PFKFB3: variants seen among roughly 807,000 people sequenced by gnomAD.
The protein encoded by PFKFB3 is 6-phosphofructo-2-kinase/fructose-2,6-biphosphatase 3, also known as 6-phosphofructo-2-kinase/fructose-2,6-bisphosphatase 3.
A neutral mutation model predicts 68.0 loss-of-function variants in PFKFB3; 33 were observed. The ratio of observed to expected loss-of-function variants is 0.49; its 90% CI spans 0.37 to 0.65. PFKFB3 has a LOEUF of 0.65. PFKFB3 is among the 30% of genes least tolerant of loss of function. The pLI is 0.00. For synonymous variants in PFKFB3, 315 were observed against 288.2 expected (o/e 1.09, Z -0.94); for missense variants, 586 against 712.2 (o/e 0.82, Z 2.02).
At position 6,154,077 on chromosome 10, in the gene PFKFB3, C is replaced by T. The variant is rs1304976473; in HGVS notation, c.16+9064C>T. Among the ~76,000 whole-genome samples, 7 of 152,176 alleles carry T rather than the reference C, an allele frequency of 4.6e-5. No individual in the cohort carries two copies. Among genetic ancestry groups the T allele is most frequent in the Non-Finnish European group, 8.8e-5 (6 of 67,986 alleles). ...AGCGGCTGAGTGCAGGAGGAACCTGCGGGCCAGCACCGCTTCTGCAGGGTG... is the reference window on the plus strand; with the variant it reads ...AGCGGCTGAGTGCAGGAGGAACCTGTGGGCCAGCACCGCTTCTGCAGGGTG... On this transcript the variant is annotated intron_variant, in intron 1 of 14. Coordinates refer to the PFKFB3 transcript ENST00000379789. The surrounding 1 kb of genome is among the most constrained non-coding windows in gnomAD (Gnocchi z 4.6).
At chr10:6,315,049 GGCTACCA>G in the PFKFB3 span, among the ~76,000 whole-genome samples, 1 of 152,192 alleles carries the variant, frequency 6.6e-6, no homozygotes, top group Non-Finnish European at 1.5e-5. Context: ...CCTCCCTAGA[GGCTACCA>G]GCTGACTCTC....
chr10:6,178,405 CG>C (rs1842596161), intron 1 of PFKFB3, among the ~76,000 whole-genome samples: 1 of 152,148 alleles, frequency 6.6e-6, no homozygotes, highest in African/African-American at 2.4e-5. Flanking sequence ...GCGAAGGAGG[CG>C]TAGGACATGC....
At chr10:6,320,354 A>G in the PFKFB3 span, among the ~76,000 whole-genome samples, 1 of 152,182 alleles carries the variant, frequency 6.6e-6, no homozygotes, top group Non-Finnish European at 1.5e-5. Context: ...AAATGGAAAA[A>G]TGAAGAAATG....
chr10:6,204,560 C>T (rs1177219053), intron 1 of PFKFB3, among the ~76,000 whole-genome samples: 2 of 152,228 alleles, frequency 1.3e-5, no homozygotes, highest in South Asian at 2.1e-4. Flanking sequence ...GTCAGCAGAT[C>T]CACCCTGGTG....
the PFKFB3 span, among the ~76,000 whole-genome samples, chr10:6,269,574 G>C: frequency 6.6e-6 from 1 of 152,172 alleles, no homozygotes; most frequent in South Asian, 2.1e-4. Context: ...AGTGAATATA[G>C]GCTTTGCCAT....
At chr10:6,173,723 G>T (rs1453087652) in intron 1 of PFKFB3, among the ~76,000 whole-genome samples, 1 of 151,974 alleles carries the variant, frequency 6.6e-6, no homozygotes, top group Non-Finnish European at 1.5e-5. Flanking sequence ...ATCAGCTGCG[G>T]GGGTGCAGAG....
intron 1 of PFKFB3, among the ~76,000 whole-genome samples, chr10:6,181,796 TAAAAAAAAAAAA>T (rs60557537): frequency 1.8e-5 from 2 of 114,168 alleles, no homozygotes; most frequent in Admixed American, 9.7e-5. Context: ...AGACTCCGTT[TAAAAAAAAAAAA>T]AAAAAAAAAA....
Position 6,177,406 on chromosome 10 carries a change from TTCTTCTTTCTCTTTC to T in PFKFB3, c.16+32395_16+32409del, listed in dbSNP as rs1564599673. On this transcript the variant is annotated intron_variant, in intron 1 of 14. Coordinates refer to the PFKFB3 transcript ENST00000379789. The stretch of plus-strand genomic sequence containing the variant: ...TTTCTTTCTTTCTTTCTTTCTTTCT[TTCTTCTTTCTCTTTC>T]TTCCTTTCTTTTCTTTCTCTTTCTT... 3.4e-4 allele frequency among the ~76,000 whole-genome samples: 40 copies of T among 118,428 alleles called. 1 individual carries two copies. The East Asian group carries it at 8.0e-3, about 24-fold the overall frequency. 77.7% of individuals were successfully genotyped at this position (118,428 alleles called of 152,430 possible).
intron 14 of PFKFB3, among the ~76,000 whole-genome samples, chr10:6,226,873 G>C (rs533456642): frequency 6.6e-6 from 1 of 152,308 alleles, no homozygotes; most frequent in Non-Finnish European, 1.5e-5. Flanking sequence ...ATCACCTGAG[G>C]ACAAGAGTTC....
At chr10:6,243,742 A>G (rs1846192895) in intron 14 of PFKFB3, among the ~76,000 whole-genome samples, 1 of 152,088 alleles carries the variant, frequency 6.6e-6, no homozygotes, top group Non-Finnish European at 1.5e-5. Context: ...TTTTTTTCTG[A>G]GACAGTGTCT....
At position 6,214,749 on chromosome 10, in the gene PFKFB3, A is replaced by G. The variant is rs1370063140; in HGVS notation, c.203-472A>G. On this transcript the variant is annotated intron_variant, in intron 2 of 14. Transcript: ENST00000379775. ...GCTGTGCCCAGCTCAGTGCCCAGGA[A>G]CCATGGGACACATGTCTCCGGCCCT... Among the ~76,000 whole-genome samples, 4 of 152,324 alleles carry G rather than the reference A, an allele frequency of 2.6e-5. No individual in the cohort carries two copies. In the East Asian group the frequency reaches 7.7e-4, roughly 29 times the overall value.
the PFKFB3 span, among the ~76,000 whole-genome samples, chr10:6,271,990 G>A: frequency 6.6e-6 from 1 of 152,220 alleles, no homozygotes; most frequent in African/African-American, 2.4e-5. Context: ...CCATGTGTGG[G>A]AATCTGTGCT....
chr10:6,218,338 T>G (rs1486454270), intron 6 of PFKFB3, among the ~76,000 whole-genome samples: 1 of 83,368 alleles, frequency 1.2e-5, no homozygotes, highest in Non-Finnish European at 2.6e-5. Context: ...CAGGCATTTG[T>G]GAACTTAGAT....
chr10:6,289,829 C>T, the PFKFB3 span, among the ~76,000 whole-genome samples: 2 of 151,822 alleles, frequency 1.3e-5, no homozygotes, highest in African/African-American at 2.4e-5. Flanking sequence ...ATTCTTCCTA[C>T]CCATGAGCAT....
At chr10:6,195,323 G>A (rs1010494644) in intron 1 of PFKFB3, among the ~76,000 whole-genome samples, 10 of 152,256 alleles carry the variant, frequency 6.6e-5, no homozygotes, top group South Asian at 2.1e-4. Flanking sequence ...CTGTTCCATC[G>A]GGTTTATCTG....
the PFKFB3 span, among the ~76,000 whole-genome samples, chr10:6,262,597 G>A: frequency 6.6e-6 from 1 of 151,644 alleles, no homozygotes; most frequent in East Asian, 2.0e-4. Flanking sequence ...GGATATTTGT[G>A]TGTGTTATTG....
At chr10:6,164,628 C>T (rs117611364) in intron 1 of PFKFB3, among the ~76,000 whole-genome samples, 113 of 152,256 alleles carry the variant, frequency 7.4e-4, no homozygotes, top group Non-Finnish European at 1.1e-3. Context: ...CACTGGTGGC[C>T]GTCTCTGAGT....
chr10:6,202,768 C>T, upstream of PFKFB3: 1 of 578,294 alleles, frequency 1.7e-6, no homozygotes, highest in South Asian at 6.1e-5. Context: ...GCACCGCCGT[C>T]GCCGGCCCGC....
At chr10:6,206,585 C>A (rs1272363492) in intron 1 of PFKFB3, among the ~76,000 whole-genome samples, 1 of 128,308 alleles carries the variant, frequency 7.8e-6, no homozygotes, top group African/African-American at 3.2e-5. Context: ...CAGGGGCTGA[C>A]CCCCCCACCT....
Sources: gnomAD v4.1 joint callset for allele counts (sites outside exome capture counted in the v4.1 genomes callset) on GRCh38, gnomAD v4.1.1 for gene constraint, Gnocchi (gnomAD v3.1) non-coding constraint, MANE v1.5 for transcripts, NCBI Gene and HGNC (gene_info 2026-07-23, HGNC 2026-07-21) for gene names.